Variants in ADAMTSL1 observed in about 807,000 individuals in gnomAD.
ADAMTSL1 encodes the protein ADAMTS-like protein 1.
ADAMTSL1 carries 126 observed loss-of-function variants against 201.8 expected under a neutral mutation model. The observed-to-expected ratio is 0.62, with a 90% confidence interval of 0.54 to 0.72. The LOEUF (loss-of-function observed/expected upper bound fraction) is 0.72, where lower values mean the gene tolerates loss of function less well. Among genes scored for constraint, ADAMTSL1 ranks in the 30% least tolerant of loss-of-function variants. ADAMTSL1 has a pLI of 0.00. For synonymous variants in ADAMTSL1, 1,121 were observed against 903.4 expected, an observed-to-expected ratio of 1.24 and a Z score of -4.32; for missense variants, 2,679 against 2,277.8, an observed-to-expected ratio of 1.18 and a Z score of -3.59.
At chr9:18,100,626 C>CA (rs1355819292) in intron 1 of ADAMTSL1, among the ~76,000 whole-genome samples, 2 of 152,134 alleles carry the variant, frequency 1.3e-5, no homozygotes, top group Non-Finnish European at 2.9e-5. Flanking sequence ...TTTACTTCCC[C>CA]TTTGTTTTCC....
intron 23 of ADAMTSL1, among the ~76,000 whole-genome samples, chr9:18,850,469 G>A (rs1365566255): frequency 7.9e-5 from 12 of 152,242 alleles, no homozygotes; most frequent in Admixed American, 7.8e-4. Context: ...GACTGTAGAA[G>A]AGAGGGCAGG....
intron 23 of ADAMTSL1, among the ~76,000 whole-genome samples, chr9:18,861,894 C>T (rs1307976124): frequency 6.6e-6 from 1 of 152,176 alleles, no homozygotes; most frequent in African/African-American, 2.4e-5. Context: ...CAACTCTCCC[C>T]CGTCTTTACT....
At chr9:18,321,537 T>G (rs571777753) in intron 2 of ADAMTSL1, among the ~76,000 whole-genome samples, 6 of 152,306 alleles carry the variant, frequency 3.9e-5, no homozygotes, top group Non-Finnish European at 2.9e-5. Flanking sequence ...CTCACGCCTG[T>G]AATCCCAGCA....
At chr9:18,102,864 A>G (rs1824590811) in intron 1 of ADAMTSL1, among the ~76,000 whole-genome samples, 1 of 152,216 alleles carries the variant, frequency 6.6e-6, no homozygotes, top group African/African-American at 2.4e-5. Context: ...GATTTGAATA[A>G]TCAGAGCTAG....
chr9:17,954,985 G>A (rs1827876043), intron 1 of ADAMTSL1, among the ~76,000 whole-genome samples: 1 of 152,126 alleles, frequency 6.6e-6, no homozygotes, highest in African/African-American at 2.4e-5. Context: ...CATCCAGCTT[G>A]CAAGATAGGA....
At chr9:18,856,934 A>G (rs1471789600) in intron 23 of ADAMTSL1, among the ~76,000 whole-genome samples, 2 of 152,166 alleles carry the variant, frequency 1.3e-5, no homozygotes, top group Admixed American at 6.5e-5. Flanking sequence ...AACACATTCA[A>G]AGAACTGTAG....
At chr9:18,553,705 A>G (rs1215398919) in intron 3 of ADAMTSL1, among the ~76,000 whole-genome samples, 1 of 151,864 alleles carries the variant, frequency 6.6e-6, no homozygotes, top group Non-Finnish European at 1.5e-5. Context: ...ACTTAACTCT[A>G]CGTTGACAGT....
chr9:18,311,096 A>G (rs148510471), intron 2 of ADAMTSL1, among the ~76,000 whole-genome samples: 2,714 of 152,186 alleles, frequency 0.018, 76 homozygotes, highest in African/African-American at 0.06. Flanking sequence ...CAGCAAAGTA[A>G]CACAGGAACA....
chr9:18,484,021 T>C (rs1261777513), intron 1 of ADAMTSL1, among the ~76,000 whole-genome samples: 1 of 152,226 alleles, frequency 6.6e-6, no homozygotes, highest in African/African-American at 2.4e-5. Flanking sequence ...GTGATGTATG[T>C]GTGAAAATAA....
At chr9:18,843,479 A>T (rs1238860582) in intron 23 of ADAMTSL1, among the ~76,000 whole-genome samples, 1 of 150,442 alleles carries the variant, frequency 6.6e-6, no homozygotes, top group East Asian at 1.9e-4. Flanking sequence ...TTTTTCCTTC[A>T]TTTCAACTTT....
At chr9:18,692,426 C>T (rs890070690) in intron 13 of ADAMTSL1, among the ~76,000 whole-genome samples, 13 of 152,126 alleles carry the variant, frequency 8.5e-5, no homozygotes, top group Non-Finnish European at 1.5e-4. Flanking sequence ...CCTCTGTCAC[C>T]GCAGTTGCTC....
chr9:17,964,587 C>A (rs191227102), intron 1 of ADAMTSL1, among the ~76,000 whole-genome samples: 4 of 152,154 alleles, frequency 2.6e-5, no homozygotes, highest in Admixed American at 2.0e-4. Flanking sequence ...CACATAGGTA[C>A]ACACAAATGA....
chr9:18,893,269 C>T lies in ADAMTSL1; in HGVS notation c.4851+673C>T, dbSNP rs566624478. 6.6e-5 allele frequency among the ~76,000 whole-genome samples: 10 copies of T among 152,216 alleles called. No homozygotes were observed. In the South Asian group the frequency reaches 2.1e-3, roughly 32 times the overall value. On this transcript the variant is annotated intron_variant, in intron 26 of 28. Coordinates refer to ENST00000380548, the MANE Select transcript of ADAMTSL1 (RefSeq NM_001040272.6). ...GTTCCAGGCCCTCGAGGCTTATTGG[C>T]AGTTTGTAAAATTACAATAGCAAAC...
At position 18,180,532 on chromosome 9, in the gene ADAMTSL1, CA is replaced by C. The variant is rs71333030; in HGVS notation, c.207+16574del. Among the ~76,000 whole-genome samples, 595 of 92,102 alleles carry C rather than the reference CA, an allele frequency of 6.5e-3. 1 individual carries two copies. Among genetic ancestry groups the C allele is most frequent in the African/African-American group, 0.026 (499 of 19,106 alleles). 60.4% of individuals were successfully genotyped at this position (92,102 alleles called of 152,430 possible). On this transcript the variant is annotated intron_variant, in intron 2 of 29. Coordinates refer to the ADAMTSL1 transcript ENST00000680146. Reference sequence around the variant, plus strand: ...TGGGTGACAGAGCGAGACTCCGTGTCAAAAAAAAAAAAAAAAAAAAAAATAC... The same window carrying C: ...TGGGTGACAGAGCGAGACTCCGTGTCAAAAAAAAAAAAAAAAAAAAAATAC...
chr9:18,706,806 G>A lies in ADAMTSL1; in HGVS notation c.1634G>A (p.Arg545Gln), dbSNP rs562929854. The change falls in exon 14 of 29, where the codon CGA becomes CAA. Residue 545 changes from arginine to glutamine, a missense_variant. Arg to Gln is a conservative substitution (Grantham distance 43, BLOSUM62 1). Transcript: ENST00000380548. Reference protein sequence around the residue: ...TVTCGVGTQVRIVRCQVLLSF... With the variant: ...TVTCGVGTQVQIVRCQVLLSF... ...ACCTGTGGTGTGGGGACCCAGGTGC[G>A]AATAGTCAGGTGCCAGGTGCTCCTG... 26 of 1,609,532 alleles carry A rather than the reference G, an allele frequency of 1.6e-5. No homozygotes were observed. Among genetic ancestry groups the A allele is most frequent in the Middle Eastern group, 1.7e-4 (1 of 6,044 alleles).
rs1198290718 is a variant in ADAMTSL1 at position 18,504,970 on chromosome 9, C to A, written c.191+14C>A. The A allele has an allele frequency of 3.1e-6, 5 of 1,596,508 alleles. No homozygotes were observed. The highest frequency in any genetic ancestry group is 1.7e-4 in the Middle Eastern group (1 of 5,910). ...CCTGAGCAGCAAGTAAGTCCTGCAC[C>A]CGTTGGGGGTCTTTGTGAGAACCAG... On this transcript the variant is annotated intron_variant, in intron 2 of 28. Transcript: ENST00000380548.
chr9:18,074,516 T>TTTCTTTTCTTTTC (rs1823116782), intron 1 of ADAMTSL1, among the ~76,000 whole-genome samples: 2 of 113,308 alleles, frequency 1.8e-5, no homozygotes, highest in African/African-American at 7.2e-5. Context: ...CTTTTCTTCT[T>TTTCTTTTCTTTTC]TTCTTTTCTT....
intron 2 of ADAMTSL1, among the ~76,000 whole-genome samples, chr9:18,280,480 T>G (rs930856559): frequency 3.3e-5 from 5 of 152,180 alleles, no homozygotes; most frequent in Non-Finnish European, 5.9e-5. Flanking sequence ...GTAGATCAGT[T>G]TGGCAAGAAT....
At chr9:18,196,391 C>G (rs1027257917) in intron 2 of ADAMTSL1, among the ~76,000 whole-genome samples, 12 of 152,002 alleles carry the variant, frequency 7.9e-5, no homozygotes, top group Non-Finnish European at 1.3e-4. Context: ...AAACTTAGCT[C>G]AGAGATCTTA....
Sources: gnomAD v4.1 joint callset for allele counts (sites outside exome capture counted in the v4.1 genomes callset) on GRCh38, gnomAD v4.1.1 for gene constraint, MANE v1.5 for transcripts, NCBI Gene and HGNC (gene_info 2026-07-23, HGNC 2026-07-21) for gene names.